FHIT: variants seen among roughly 807,000 people sequenced by gnomAD.
FHIT encodes the protein bis(5'-adenosyl)-triphosphatase.
Under a neutral mutation model 17.9 loss-of-function variants are expected in FHIT, and 19 were observed. That is an observed-to-expected ratio of 1.06 (90% CI 0.74 to 1.56). The LOEUF is 1.56. FHIT is among the 40% of genes most tolerant of loss of function. The pLI, the probability that FHIT is intolerant of heterozygous loss-of-function variation, is 0.00. For synonymous variants in FHIT, 81 were observed against 69.7 expected (o/e 1.16, Z -0.81); for missense variants, 248 against 189.2 (o/e 1.31, Z -1.82).
intron 4 of FHIT, among the ~76,000 whole-genome samples, chr3:60,620,521 C>A (rs555925326): frequency 6.6e-6 from 1 of 150,912 alleles, no homozygotes; most frequent in Non-Finnish European, 1.5e-5. Context: ...AGGCATACTG[C>A]GAAGCAAAAG....
rs991401345 is a variant in FHIT, at chr3:60,860,188, A to T, written c.-110-38177T>A. Among the ~76,000 whole-genome samples, 82 of 98,404 alleles carry T rather than the reference A, an allele frequency of 8.3e-4. 2 individuals carry two copies. The highest frequency in any genetic ancestry group is 1.9e-3 in the African/African-American group (45 of 23,386). 64.6% of individuals were successfully genotyped at this position (98,404 alleles called of 152,430 possible). On this transcript the variant is annotated intron_variant, in intron 3 of 9. Coordinates refer to ENST00000492590, the MANE Select transcript of FHIT (RefSeq NM_002012.4). ...ATCATATGTATATATGGTATACATG[A>T]GATACATCATATGTATATATGGTAT...
chr3:59,895,705 C>T (rs916810391), intron 8 of FHIT, among the ~76,000 whole-genome samples: 5 of 152,222 alleles, frequency 3.3e-5, no homozygotes, highest in African/African-American at 1.2e-4. Context: ...TAATGAGTCA[C>T]TTTGCTTTTG....
At chr3:60,657,099 A>G (rs1303839454) in intron 4 of FHIT, among the ~76,000 whole-genome samples, 1 of 152,156 alleles carries the variant, frequency 6.6e-6, no homozygotes, top group African/African-American at 2.4e-5. Context: ...CATACATGCA[A>G]CCATGCCACG....
intron 3 of FHIT, among the ~76,000 whole-genome samples, chr3:60,840,048 C>A (rs932615959): frequency 6.6e-6 from 1 of 152,064 alleles, no homozygotes; most frequent in African/African-American, 2.4e-5. Context: ...GTGAGGAGCT[C>A]TCTAGCACTC....
intron 5 of FHIT, among the ~76,000 whole-genome samples, chr3:60,439,440 G>C (rs773601103): frequency 5.3e-5 from 8 of 152,088 alleles, no homozygotes; most frequent in Non-Finnish European, 5.9e-5. Context: ...TGGGTAGCTA[G>C]AGGCAAGATT....
intron 7 of FHIT, among the ~76,000 whole-genome samples, chr3:59,928,624 C>T (rs1479676366): frequency 6.6e-6 from 1 of 152,166 alleles, no homozygotes; most frequent in East Asian, 1.9e-4. Context: ...TAAATGAATA[C>T]ATGAAAAGAT....
intron 5 of FHIT, among the ~76,000 whole-genome samples, chr3:60,518,932 G>A (rs1169069224): frequency 1.3e-5 from 2 of 152,212 alleles, no homozygotes. Flanking sequence ...GAACCCAGGA[G>A]GTGGAGGTTG....
At chr3:60,264,680 G>A (rs1450893914) in intron 5 of FHIT, among the ~76,000 whole-genome samples, 2 of 151,896 alleles carry the variant, frequency 1.3e-5, no homozygotes, top group Non-Finnish European at 2.9e-5. Context: ...TCAAAACCCA[G>A]GGAGTTGAAT....
chr3:60,119,432 C>T (rs1431016669), intron 5 of FHIT, among the ~76,000 whole-genome samples: 1 of 152,080 alleles, frequency 6.6e-6, no homozygotes, highest in Non-Finnish European at 1.5e-5. Context: ...AATGAAGATG[C>T]ATCTTGTAAT....
intron 2 of FHIT, among the ~76,000 whole-genome samples, chr3:61,076,615 G>A (rs1448398189): frequency 6.6e-6 from 1 of 152,158 alleles, no homozygotes; most frequent in Admixed American, 6.6e-5. Flanking sequence ...ATTACTTATT[G>A]AGTCTTTAAT....
At chr3:60,439,671 C>T (rs1241758970) in intron 5 of FHIT, among the ~76,000 whole-genome samples, 1 of 152,096 alleles carries the variant, frequency 6.6e-6, no homozygotes, top group Non-Finnish European at 1.5e-5. Context: ...GTAACACTCA[C>T]TTCTCTCTGG....
At chr3:59,801,389 A>T (rs1266711161) in intron 8 of FHIT, among the ~76,000 whole-genome samples, 3 of 151,406 alleles carry the variant, frequency 2.0e-5, no homozygotes, top group Non-Finnish European at 4.4e-5. Flanking sequence ...AGAATAACTT[A>T]AAAATAAAAG....
At chr3:59,917,804 GA>G (rs918155239) in intron 8 of FHIT, among the ~76,000 whole-genome samples, 22 of 152,184 alleles carry the variant, frequency 1.4e-4, no homozygotes, top group African/African-American at 5.3e-4. Context: ...TGATAATCAA[GA>G]TTGGAAAGAA....
chr3:60,190,519 C>T (rs1175925215), intron 5 of FHIT, among the ~76,000 whole-genome samples: 1 of 152,038 alleles, frequency 6.6e-6, no homozygotes, highest in African/African-American at 2.4e-5. Flanking sequence ...GAGTCCAAAG[C>T]AGGCAGATCA....
intron 3 of FHIT, among the ~76,000 whole-genome samples, chr3:60,973,797 G>A (rs781641064): frequency 6.6e-6 from 1 of 152,116 alleles, no homozygotes; most frequent in Non-Finnish European, 1.5e-5. Context: ...TCAAGTAGGA[G>A]TATGGAAGAG....
At chr3:59,763,167 G>C (rs1426061281) in intron 8 of FHIT, among the ~76,000 whole-genome samples, 3 of 152,210 alleles carry the variant, frequency 2.0e-5, no homozygotes, top group Non-Finnish European at 4.4e-5. Flanking sequence ...TTCTGCCTTT[G>C]TTGGAATCTC....
At chr3:59,892,479 T>C (rs535128734) in intron 8 of FHIT, among the ~76,000 whole-genome samples, 58 of 152,354 alleles carry the variant, frequency 3.8e-4, no homozygotes, top group African/African-American at 1.3e-3. Flanking sequence ...TAACAATCTA[T>C]TTAACAACTG....
rs2032639168 is a variant in FHIT at position 60,464,018 on chromosome 3, T to C, written c.103+72842A>G. ...GTGGAAGAACATGTAATTTGCCCTT[T>C]ATTTGCACAGTTTGGAATCATCATC... On this transcript the variant is annotated intron_variant, in intron 5 of 9. Transcript: ENST00000492590. Among the ~76,000 whole-genome samples the C allele has an allele frequency of 3.9e-5, 6 of 152,336 alleles. No individual in the cohort carries two copies. In the South Asian group the frequency reaches 1.2e-3, roughly 32 times the overall value.
intron 7 of FHIT, among the ~76,000 whole-genome samples, chr3:59,980,345 T>C (rs1357096630): frequency 6.6e-6 from 1 of 152,200 alleles, no homozygotes; most frequent in Non-Finnish European, 1.5e-5. Flanking sequence ...CACAAAAGTG[T>C]GCATCTATAT....
Sources: allele counts gnomAD v4.1 joint callset (sites outside exome capture counted in the v4.1 genomes callset), GRCh38; gene constraint gnomAD v4.1.1; transcripts MANE v1.5; gene names NCBI Gene and HGNC (gene_info 2026-07-23, HGNC 2026-07-21).